GRIK4: variants seen among roughly 807,000 people sequenced by gnomAD.
GRIK4 encodes glutamate ionotropic receptor kainate type subunit 4.
In GRIK4, 40 loss-of-function variants were observed where a neutral mutation model predicts 104.9. That is an observed-to-expected ratio of 0.38 (90% CI 0.30 to 0.50). The LOEUF is 0.50. Among genes scored for constraint, GRIK4 ranks in the 20% least tolerant of loss-of-function variants. GRIK4 has a pLI of 0.93. For missense variants in GRIK4, 1,047 were observed against 1,308.1 expected (o/e 0.80, Z 3.08); for synonymous variants, 485 against 524.9 (o/e 0.92, Z 1.04).
Position 120,549,334 on chromosome 11 carries a change from T to C in GRIK4, c.-159+37447T>C, listed in dbSNP as rs374553931. Among the ~76,000 whole-genome samples, 139 of 152,256 alleles carry C rather than the reference T, an allele frequency of 9.1e-4. No individual in the cohort carries two copies. The highest frequency in any genetic ancestry group is 3.3e-3 in the African/African-American group (137 of 41,554). The stretch of plus-strand genomic sequence containing the variant: ...TGTTGGCCAGGCTGGTCTCAAACTC[T>C]TGACCTCATGATGCACCCACCTTGG... On this transcript the variant is annotated intron_variant, in intron 1 of 20. Transcript: ENST00000527524. This position sits in a 1 kb window ranked among gnomAD's most constrained non-coding sequence, Gnocchi z 4.7.
intron 3 of GRIK4, among the ~76,000 whole-genome samples, chr11:120,663,209 C>T (rs1949849452): frequency 6.6e-6 from 1 of 152,190 alleles, no homozygotes; most frequent in African/African-American, 2.4e-5. Flanking sequence ...CCCATCTTTG[C>T]ACCCCCTTCA....
chr11:120,958,973 G>C (rs1944228245), intron 16 of GRIK4, among the ~76,000 whole-genome samples: 1 of 152,152 alleles, frequency 6.6e-6, no homozygotes, highest in Non-Finnish European at 1.5e-5. Flanking sequence ...GGGCATGGAG[G>C]GATACCTGCT....
intron 16 of GRIK4, among the ~76,000 whole-genome samples, chr11:120,957,224 T>G (rs1337191514): frequency 1.3e-5 from 2 of 152,184 alleles, no homozygotes; most frequent in Non-Finnish European, 2.9e-5. Flanking sequence ...AAAACAGCCT[T>G]GATGAATTTC....
At chr11:120,575,529 G>T (rs1353715764) in intron 1 of GRIK4, among the ~76,000 whole-genome samples, 1 of 152,124 alleles carries the variant, frequency 6.6e-6, no homozygotes, top group Admixed American at 6.6e-5. Flanking sequence ...GCAGGTGCTG[G>T]CCGCCGCTGA....
At chr11:120,569,901 C>G (rs912436876) in intron 1 of GRIK4, among the ~76,000 whole-genome samples, 5 of 152,226 alleles carry the variant, frequency 3.3e-5, no homozygotes, top group Non-Finnish European at 7.3e-5. Context: ...CCTCTTGTTC[C>G]TTTCCCATTT....
chr11:120,793,892 A>G (rs1238955632), intron 3 of GRIK4, among the ~76,000 whole-genome samples: 24 of 96,818 alleles, frequency 2.5e-4, no homozygotes, highest in Middle Eastern at 0.013. Flanking sequence ...GGAGGAGAAG[A>G]GCGGTATTAG....
rs367718020 is a variant in GRIK4, at chr11:120,630,235, C to T, written c.-158-23450C>T. Among the ~76,000 whole-genome samples the T allele has an allele frequency of 2.8e-4, 42 of 152,378 alleles. 1 individual carries two copies. In the Middle Eastern group the frequency reaches 0.027, roughly 99 times the overall value. ...GTCAGCCTCTGGGGCAAGCAGAAGG[C>T]CCCATGGCCCAGTGCCAGAGCTAAG... On this transcript the variant is annotated intron_variant, in intron 1 of 20. Coordinates refer to ENST00000527524, the MANE Select transcript of GRIK4 (RefSeq NM_014619.5).
chr11:120,755,815 ATGC>A, intron 3 of GRIK4, among the ~76,000 whole-genome samples: 1 of 152,072 alleles, frequency 6.6e-6, no homozygotes, highest in Non-Finnish European at 1.5e-5. Flanking sequence ...GTTGGGGTGG[ATGC>A]CTTCTGCTGC....
At chr11:120,644,899 TAAAA>T (rs955966770) in intron 1 of GRIK4, among the ~76,000 whole-genome samples, 1 of 151,572 alleles carries the variant, frequency 6.6e-6, no homozygotes, top group Admixed American at 6.6e-5. Context: ...ATAATAATAA[TAAAA>T]AAAGAGGACA....
chr11:120,537,026 CTG>C (rs1482943549), intron 1 of GRIK4, among the ~76,000 whole-genome samples: 1 of 152,138 alleles, frequency 6.6e-6, no homozygotes, highest in Non-Finnish European at 1.5e-5. Context: ...GGGCCTCACT[CTG>C]AGACACGTTG....
At chr11:120,615,841 T>G (rs1222122793) in intron 1 of GRIK4, among the ~76,000 whole-genome samples, 1 of 152,068 alleles carries the variant, frequency 6.6e-6, no homozygotes, top group Non-Finnish European at 1.5e-5. Flanking sequence ...TCAGTCTCAC[T>G]CATTGCTTAT....
intron 8 of GRIK4, among the ~76,000 whole-genome samples, chr11:120,837,261 C>T (rs961105026): frequency 6.6e-6 from 1 of 152,180 alleles, no homozygotes; most frequent in Non-Finnish European, 1.5e-5. Flanking sequence ...TTCCAGCTGT[C>T]GGTGTCTATG....
Position 120,802,817 on chromosome 11 carries a change from T to G in GRIK4, c.207T>G (p.Phe69Leu), listed in dbSNP as rs1311003298. ...LGKAKVEVDI[F>L]ELLRDSEYET... ...AGGCCAAGGTCGAAGTGGACATCTT[T>G]GAGCTTCTCAGAGACAGCGAGTACG... Residue 69 changes from phenylalanine to leucine, a missense_variant, in exon 4 of 21, where the codon TTT becomes TTG. Transcript: ENST00000527524. The G allele has an allele frequency of 1.2e-6, 2 of 1,614,180 alleles. No homozygotes were observed. The highest frequency in any genetic ancestry group is 4.5e-5 in the East Asian group (2 of 44,884).
At chr11:120,974,042 G>A (rs1944520200) in intron 19 of GRIK4, among the ~76,000 whole-genome samples, 2 of 152,030 alleles carry the variant, frequency 1.3e-5, no homozygotes, top group Non-Finnish European at 2.9e-5. Context: ...TGAGTAGCTG[G>A]GATTACAGGC....
At chr11:120,583,262 T>C (rs1335709434) in intron 1 of GRIK4, among the ~76,000 whole-genome samples, 2 of 152,252 alleles carry the variant, frequency 1.3e-5, no homozygotes, top group Admixed American at 6.5e-5. Flanking sequence ...CTTTGTTGGA[T>C]ACATAGTTTG....
rs1372777042 is a variant in GRIK4, at chr11:120,905,442, T to C, written c.1425T>C (p.Val475=). Residue 475 remains valine, a synonymous_variant, in exon 13 of 21, where the codon GTT becomes GTC. Transcript: ENST00000527524. This position sits in a 1 kb window ranked among gnomAD's most constrained non-coding sequence, Gnocchi z 5.1. The part of the protein sequence containing the change: ...IRLVGDGVYG[V]PEANGTWTGM... ...TGGTTGGGGATGGCGTGTACGGCGT[T>C]CCCGAGGCCAACGGCACCTGGACGG... 3 of 1,468,630 alleles carry C rather than the reference T, an allele frequency of 2.0e-6. No individual in the cohort carries two copies. The highest frequency in any genetic ancestry group is 2.8e-6 in the Non-Finnish European group (3 of 1,090,082). 91.0% of individuals were successfully genotyped at this position (1,468,630 alleles called of 1,614,324 possible).
intron 1 of GRIK4, among the ~76,000 whole-genome samples, chr11:120,585,895 G>T (rs548169011): frequency 6.6e-6 from 1 of 152,226 alleles, no homozygotes; most frequent in South Asian, 2.1e-4. Flanking sequence ...TTGAGAAACT[G>T]ATTGGGTCAG....
intron 1 of GRIK4, among the ~76,000 whole-genome samples, chr11:120,522,168 G>A (rs1026422955): frequency 2.0e-4 from 30 of 152,192 alleles, no homozygotes; most frequent in Non-Finnish European, 5.9e-5. Context: ...GCAGGCCATC[G>A]CTGAGTTGGG....
chr11:120,658,785 G>A (rs1949761790), intron 2 of GRIK4, among the ~76,000 whole-genome samples: 1 of 110,488 alleles, frequency 9.1e-6, no homozygotes, highest in African/African-American at 3.2e-5. Context: ...GTCTCGCTCT[G>A]TCCCCCAGGC....
Sources: allele counts gnomAD v4.1 joint callset (sites outside exome capture counted in the v4.1 genomes callset), GRCh38; gene constraint gnomAD v4.1.1; non-coding constraint Gnocchi (gnomAD v3.1); transcripts MANE v1.5; gene names NCBI Gene and HGNC (gene_info 2026-07-23, HGNC 2026-07-21).